NBEA: variants seen among roughly 807,000 people sequenced by gnomAD.
NBEA encodes neurobeachin.
NBEA carries 44 observed loss-of-function variants against 343.4 expected under a neutral mutation model. The ratio of observed to expected loss-of-function variants is 0.13; its 90% CI spans 0.10 to 0.16. The LOEUF is 0.16. NBEA is among the 10% of genes least tolerant of loss of function. The pLI, the probability that NBEA is intolerant of heterozygous loss-of-function variation, is 1.00. For synonymous variants in NBEA, 1,175 were observed against 1,238.7 expected, an observed-to-expected ratio of 0.95 and a Z score of 1.08; for missense variants, 2,555 against 3,631.3, an observed-to-expected ratio of 0.70 and a Z score of 7.62.
chr13:34,969,579 G>A (rs2059934385), intron 1 of NBEA, among the ~76,000 whole-genome samples: 1 of 152,010 alleles, frequency 6.6e-6, no homozygotes, highest in South Asian at 2.1e-4. Context: ...GGCCCAGTGT[G>A]TGTTGTTCCC....
At chr13:35,205,605 T>C (rs1051797850) in intron 31 of NBEA, among the ~76,000 whole-genome samples, 1 of 152,090 alleles carries the variant, frequency 6.6e-6, no homozygotes, top group African/African-American at 2.4e-5. Context: ...ATCCTTGAAA[T>C]ATAGTGCCTA....
intron 38 of NBEA, among the ~76,000 whole-genome samples, chr13:35,403,691 A>G (rs1362946359): frequency 2.0e-5 from 3 of 152,034 alleles, no homozygotes; most frequent in Admixed American, 2.0e-4. Flanking sequence ...GGACATAGGC[A>G]TGGGCAAGGA....
At chr13:35,157,405 C>T (rs1236945293) in intron 21 of NBEA, 135 bp downstream of exon 21, 1 of 663,056 alleles carries the variant, frequency 1.5e-6, no homozygotes, top group Admixed American at 4.1e-5. Context: ...TGTATTTTTC[C>T]CTCATTGTTC....
intron 41 of NBEA, among the ~76,000 whole-genome samples, chr13:35,495,273 C>A (rs1312340836): frequency 6.6e-6 from 1 of 151,760 alleles, no homozygotes; most frequent in African/African-American, 2.4e-5. Flanking sequence ...CCACTACATA[C>A]AAAGAGAAAC....
intron 48 of NBEA, among the ~76,000 whole-genome samples, chr13:35,610,942 A>C (rs2082491881): frequency 6.6e-6 from 1 of 152,062 alleles, no homozygotes; most frequent in Admixed American, 6.6e-5. Context: ...ACACATGAAA[A>C]GATGCCTCAT....
At chr13:35,553,671 A>T (rs1464990460) in intron 43 of NBEA, among the ~76,000 whole-genome samples, 11 of 152,274 alleles carry the variant, frequency 7.2e-5, no homozygotes, top group African/African-American at 2.6e-4. Flanking sequence ...GCCTATTAAG[A>T]TTCCATGTGA....
At chr13:35,038,134 C>T (rs998661622) in intron 1 of NBEA, among the ~76,000 whole-genome samples, 30 of 152,190 alleles carry the variant, frequency 2.0e-4, no homozygotes, top group African/African-American at 6.5e-4. Flanking sequence ...AGGAGCCTCA[C>T]CCCTTAGCCA....
chr13:35,548,700 A>G (rs1203285397), intron 41 of NBEA, among the ~76,000 whole-genome samples: 2 of 152,070 alleles, frequency 1.3e-5, no homozygotes, highest in Non-Finnish European at 2.9e-5. Context: ...CTACTTGACA[A>G]AAAAAAGAGA....
At chr13:35,324,446 G>T (rs557243121) in intron 36 of NBEA, among the ~76,000 whole-genome samples, 1 of 152,236 alleles carries the variant, frequency 6.6e-6, no homozygotes, top group East Asian at 1.9e-4. Context: ...TAAAGATCCA[G>T]TCCCAGCCAA....
chr13:35,014,115 T>C (rs1447631754), intron 1 of NBEA, among the ~76,000 whole-genome samples: 2 of 151,558 alleles, frequency 1.3e-5, no homozygotes, highest in Non-Finnish European at 2.9e-5. Flanking sequence ...TTTGGGAAGT[T>C]ACATTCCTTT....
Position 35,395,545 on chromosome 13 carries a change from G to C in NBEA, c.6180-36724G>C, listed in dbSNP as rs1566071287. Among the ~76,000 whole-genome samples the C allele has an allele frequency of 2.0e-5, 3 of 151,864 alleles. No homozygotes were observed. The South Asian group carries it at 6.2e-4, about 32-fold the overall frequency. ...TTTCTTCATAAATTACCCAGTCTCA[G>C]GTATTTCTTTACAGTAGTGCAAGAA... On this transcript the variant is annotated intron_variant, in intron 38 of 58. Coordinates refer to ENST00000379939, the MANE Select transcript of NBEA (RefSeq NM_001385012.1).
At chr13:35,514,164 G>C (rs1321673705) in intron 41 of NBEA, among the ~76,000 whole-genome samples, 1 of 151,980 alleles carries the variant, frequency 6.6e-6, no homozygotes, top group Non-Finnish European at 1.5e-5. Context: ...AAGCCCTTGA[G>C]GTGGAAAGTT....
chr13:35,081,174 G>A (rs1206870870), intron 10 of NBEA, among the ~76,000 whole-genome samples: 1 of 152,162 alleles, frequency 6.6e-6, no homozygotes, highest in African/African-American at 2.4e-5. Context: ...AATAGCAGGA[G>A]TCCTATTTTT....
chr13:35,610,855 CAA>C (rs1156348864), intron 48 of NBEA, among the ~76,000 whole-genome samples: 6 of 151,792 alleles, frequency 4.0e-5, no homozygotes, highest in Non-Finnish European at 4.4e-5. Context: ...AAAAATAAAA[CAA>C]TATTTAGATA....
chr13:35,274,803 G>A (rs2034457123), intron 34 of NBEA, among the ~76,000 whole-genome samples: 1 of 152,188 alleles, frequency 6.6e-6, no homozygotes, highest in South Asian at 2.1e-4. Context: ...TATAAAGGAT[G>A]TGAAGGACCT....
chr13:35,132,117 T>C (rs2067459905), intron 17 of NBEA, among the ~76,000 whole-genome samples: 1 of 152,168 alleles, frequency 6.6e-6, no homozygotes, highest in Non-Finnish European at 1.5e-5. Context: ...TGATAGCATG[T>C]TCATAGCCAG....
intron 38 of NBEA, among the ~76,000 whole-genome samples, chr13:35,393,014 A>G (rs1380140148): frequency 6.6e-6 from 1 of 152,130 alleles, no homozygotes; most frequent in Non-Finnish European, 1.5e-5. Context: ...GCACTTTCGG[A>G]GTCCTATTCA....
At chr13:35,515,747 TG>T (rs1262897209) in intron 41 of NBEA, among the ~76,000 whole-genome samples, 85 of 47,796 alleles carry the variant, frequency 1.8e-3, no homozygotes, top group African/African-American at 4.4e-3. Context: ...ATGTAGTAAC[TG>T]GTTTTTTTTT....
intron 35 of NBEA, among the ~76,000 whole-genome samples, chr13:35,293,760 A>AT (rs1244293683): frequency 2.6e-5 from 4 of 151,882 alleles, no homozygotes; most frequent in African/African-American, 7.2e-5. Flanking sequence ...TTACTTCCAG[A>AT]TTTTTTAAGG....
Sources: allele counts gnomAD v4.1 joint callset (sites outside exome capture counted in the v4.1 genomes callset), GRCh38; gene constraint gnomAD v4.1.1; transcripts MANE v1.5; gene names NCBI Gene and HGNC (gene_info 2026-07-23, HGNC 2026-07-21).